DOCK1: variants seen among roughly 807,000 people sequenced by gnomAD.
DOCK1 encodes dedicator of cytokinesis protein 1.
Under a neutral mutation model 262.7 loss-of-function variants are expected in DOCK1, and 138 were observed. That is an observed-to-expected ratio of 0.53 (90% confidence interval 0.46 to 0.61). The LOEUF (loss-of-function observed/expected upper bound fraction) is 0.61. Ranked by LOEUF, DOCK1 falls within the 20% of genes least tolerant of loss-of-function variation. The pLI, the probability that DOCK1 is intolerant of heterozygous loss-of-function variation, is 0.00. For synonymous variants in DOCK1, 866 were observed against 867.4 expected, an observed-to-expected ratio of 1.00 and a Z score of 0.03; for missense variants, 1,908 against 2,370.7, an observed-to-expected ratio of 0.80 and a Z score of 4.05.
intron 38 of DOCK1, among the ~76,000 whole-genome samples, chr10:127,387,235 A>G (rs1423093764): frequency 6.6e-6 from 1 of 152,180 alleles, no homozygotes; most frequent in Non-Finnish European, 1.5e-5. Context: ...TTCCAGCCAC[A>G]CTGGCCCTTC....
chr10:126,948,882 A>C (rs932683511), intron 1 of DOCK1, among the ~76,000 whole-genome samples: 1 of 152,016 alleles, frequency 6.6e-6, no homozygotes, highest in Non-Finnish European at 1.5e-5. Context: ...GGCCTGGCCC[A>C]GGGTAGTACT....
At chr10:127,442,665 T>A (rs2070251659) in intron 49 of DOCK1, among the ~76,000 whole-genome samples, 1 of 152,106 alleles carries the variant, frequency 6.6e-6, no homozygotes, top group Non-Finnish European at 1.5e-5. Context: ...TGACCTAGGA[T>A]GAGAGAAGAA....
chr10:127,260,631 GCGTGTGTGTACCCGTGCTCATC>G (rs2059994066), intron 29 of DOCK1, among the ~76,000 whole-genome samples: 1 of 146,902 alleles, frequency 6.8e-6, no homozygotes, highest in South Asian at 2.2e-4. Flanking sequence ...ATGTGGGTGT[GCGTGTGTGTACCCGTGCTCATC>G]TGTGTGTGTC....
At chr10:127,331,316 C>T (rs1302346764) in intron 29 of DOCK1, among the ~76,000 whole-genome samples, 1 of 152,046 alleles carries the variant, frequency 6.6e-6, no homozygotes, top group African/African-American at 2.4e-5. Flanking sequence ...GAGTCTTGCT[C>T]TTGTTACCCA....
At chr10:127,108,628 C>A (rs1164167409) in intron 24 of DOCK1, among the ~76,000 whole-genome samples, 1 of 152,152 alleles carries the variant, frequency 6.6e-6, no homozygotes, top group Non-Finnish European at 1.5e-5. Context: ...GTGATCAGCT[C>A]CTGCACTTAA....
rs753671967 is a variant in DOCK1, at chr10:127,175,908, C to T, written c.2847+48144C>T. ...TGTGGTCTTGTGCACCCGCCCCGCGCCACATGGCCGGGCCTCCTCCATGGG... is the reference window on the plus strand; with the variant it reads ...TGTGGTCTTGTGCACCCGCCCCGCGTCACATGGCCGGGCCTCCTCCATGGG... On this transcript the variant is annotated intron_variant, in intron 27 of 51. Transcript: ENST00000623213. The surrounding 1 kb of genome is among the most constrained non-coding windows in gnomAD (Gnocchi z 6.3). 6.2e-7 allele frequency: 1 copy of T among 1,614,236 alleles called. No homozygotes were observed. The highest frequency in any genetic ancestry group is 1.1e-5 in the South Asian group (1 of 91,086).
chr10:127,358,422 G>A (rs985396908), intron 32 of DOCK1, among the ~76,000 whole-genome samples: 1 of 152,214 alleles, frequency 6.6e-6, no homozygotes, highest in African/African-American at 2.4e-5. Context: ...GGGGGAAAAT[G>A]TGCTTATTTA....
At chr10:127,074,710 A>G (rs1197694352) in intron 23 of DOCK1, among the ~76,000 whole-genome samples, 1 of 152,242 alleles carries the variant, frequency 6.6e-6, no homozygotes, top group Non-Finnish European at 1.5e-5. Flanking sequence ...ATTGTCTTCT[A>G]TCTAGTGAAA....
rs76488597 is a variant in DOCK1, at chr10:127,228,621, C to G, written c.2848-19387C>G. 3.1e-3 allele frequency among the ~76,000 whole-genome samples: 470 copies of G among 152,238 alleles called. 1 individual carries two copies. Among genetic ancestry groups the G allele is most frequent in the African/African-American group, 0.01 (426 of 41,540 alleles). ...GAGCTCTGCAGGTGGTGAGCAGCCACGAGGCTGTGCTTGCATGCTGGAGCA... is the reference window on the plus strand; with the variant it reads ...GAGCTCTGCAGGTGGTGAGCAGCCAGGAGGCTGTGCTTGCATGCTGGAGCA... On this transcript the variant is annotated intron_variant, in intron 27 of 51. Transcript: ENST00000623213.
chr10:127,215,333 A>G (rs777633066), intron 27 of DOCK1, among the ~76,000 whole-genome samples: 6 of 152,036 alleles, frequency 3.9e-5, no homozygotes, highest in South Asian at 2.1e-4. Context: ...GCATCCATGG[A>G]GCACTAGGGA....
intron 4 of DOCK1, among the ~76,000 whole-genome samples, chr10:126,984,552 A>T (rs1010512438): frequency 6.7e-6 from 1 of 149,994 alleles, no homozygotes; most frequent in East Asian, 2.0e-4. Context: ...TTTTTTCAGT[A>T]GAGATGGGGT....
chr10:127,354,820 G>A, intron 32 of DOCK1, 93 bp downstream of exon 32: 1 of 1,458,468 alleles, frequency 6.9e-7, no homozygotes, highest in South Asian at 1.2e-5. Context: ...GATGTCTTAA[G>A]ATCTTAATGG....
chr10:127,053,520 C>T (rs941447115), intron 22 of DOCK1, among the ~76,000 whole-genome samples: 1 of 152,126 alleles, frequency 6.6e-6, no homozygotes. Context: ...GTGCTTTAGC[C>T]TAGTGACAGT....
intron 49 of DOCK1, among the ~76,000 whole-genome samples, chr10:127,440,029 T>G (rs1436142775): frequency 6.6e-6 from 1 of 151,998 alleles, no homozygotes; most frequent in African/African-American, 2.4e-5. Context: ...ATTTGGCTCA[T>G]GGTTCTGCAG....
intron 27 of DOCK1, among the ~76,000 whole-genome samples, chr10:127,164,154 G>A (rs1379762956): frequency 1.7e-5 from 2 of 116,168 alleles, no homozygotes; most frequent in Non-Finnish European, 3.4e-5. Flanking sequence ...CCTGTCATTT[G>A]CCTCCTTTTT....
chr10:126,969,331 C>A (rs2037916647), intron 1 of DOCK1, among the ~76,000 whole-genome samples: 1 of 147,516 alleles, frequency 6.8e-6, no homozygotes, highest in Non-Finnish European at 1.5e-5. Context: ...AACGTGAACA[C>A]CAGGAGGCTG....
intron 25 of DOCK1, among the ~76,000 whole-genome samples, chr10:127,118,736 G>T (rs2049343039): frequency 6.6e-6 from 1 of 152,126 alleles, no homozygotes; most frequent in South Asian, 2.1e-4. Context: ...CTGCCCAGTG[G>T]CCCTGTTCCA....
chr10:127,069,861 C>T (rs574936215), intron 23 of DOCK1, among the ~76,000 whole-genome samples: 29 of 152,288 alleles, frequency 1.9e-4, no homozygotes, highest in African/African-American at 6.7e-4. Context: ...TTGGAAGTTG[C>T]TCTAACAAAA....
chr10:127,026,623 C>T (rs2042883538), intron 16 of DOCK1, 199 bp downstream of exon 16: 1 of 603,938 alleles, frequency 1.7e-6, no homozygotes, highest in East Asian at 3.0e-5. Flanking sequence ...TTTCCTTCTC[C>T]AGTTCCTCCT....
Sources: allele counts gnomAD v4.1 joint callset (sites outside exome capture counted in the v4.1 genomes callset), GRCh38; gene constraint gnomAD v4.1.1; non-coding constraint Gnocchi (gnomAD v3.1); transcripts MANE v1.5; gene names NCBI Gene and HGNC (gene_info 2026-07-23, HGNC 2026-07-21).